MLLT11: variants seen among roughly 807,000 people sequenced by gnomAD.
MLLT11 encodes protein AF1q.
Under a neutral mutation model 5.3 loss-of-function variants are expected in MLLT11, and 1 was observed. The observed-to-expected ratio is 0.19, with a 90% CI of 0.07 to 0.89. The LOEUF is 0.89. Ranked by LOEUF, MLLT11 falls within the 40% of genes least tolerant of loss-of-function variation. The pLI is 0.67. For missense variants in MLLT11, 87 were observed against 107.3 expected (o/e 0.81, Z 0.83); for synonymous variants, 38 against 41.7 (o/e 0.91, Z 0.34).
Position 151,067,458 on chromosome 1 carries a change from C to G in MLLT11, c.234C>G (p.Pro78=). ...EYSTFNFWRA[P]IASIHSFELD... is the part of the protein sequence containing the mutation. ...GCACCTTCAACTTCTGGAGAGCTCCCATTGCCAGCATCCACTCCTTCGAAC... is the reference window on the plus strand; with the variant it reads ...GCACCTTCAACTTCTGGAGAGCTCCGATTGCCAGCATCCACTCCTTCGAAC... Residue 78 remains proline, a synonymous_variant, in exon 2 of 2, where the codon CCC becomes CCG. Coordinates refer to ENST00000368921, the MANE Select transcript of MLLT11 (RefSeq NM_006818.4). 10 of 1,614,118 alleles carry G rather than the reference C, an allele frequency of 6.2e-6. No individual in the cohort carries two copies. The highest frequency in any genetic ancestry group is 8.5e-6 in the Non-Finnish European group (10 of 1,180,024).
chr1:151,067,601 G>A lies in MLLT11; in HGVS notation c.*104G>A. The A allele has an allele frequency of 7.8e-7, 1 of 1,276,870 alleles. No homozygotes were observed. Among genetic ancestry groups the A allele is most frequent in the Non-Finnish European group, 1.1e-6 (1 of 909,442 alleles). The allele number at this position is 1,276,870 out of a possible 1,614,324, so 79.1% of individuals were successfully genotyped here. ...TTTAATCTTGTTCTCTCCCTACTGTGTTGGTGGTGCTGATGAATCTGCCAG... is the reference window on the plus strand; with the variant it reads ...TTTAATCTTGTTCTCTCCCTACTGTATTGGTGGTGCTGATGAATCTGCCAG... On this transcript the variant is annotated 3_prime_UTR_variant, in exon 2 of 2. Coordinates refer to ENST00000368921, the MANE Select transcript of MLLT11 (RefSeq NM_006818.4).
intron 1 of MLLT11, among the ~76,000 whole-genome samples, chr1:151,063,474 G>A (rs746399214): frequency 1.2e-4 from 19 of 152,080 alleles, no homozygotes; most frequent in Non-Finnish European, 2.6e-4. Context: ...CGCCCAGGCT[G>A]GAGTGCAGTG....
At position 151,067,822 on chromosome 1, in the gene MLLT11, T is replaced by G; in HGVS notation, c.*325T>G. On this transcript the variant is annotated 3_prime_UTR_variant, in exon 2 of 2. Transcript: ENST00000368921. Reference sequence around the variant, plus strand: ...AGTATAGTAGTGCAAAATGGAAGACTGATTTTTGACTCTATTATAATCAGC... The same window carrying G: ...AGTATAGTAGTGCAAAATGGAAGACGGATTTTTGACTCTATTATAATCAGC... 1 of 328,700 alleles carries G rather than the reference T, an allele frequency of 3.0e-6. No individual in the cohort carries two copies. Among genetic ancestry groups the G allele is most frequent in the Non-Finnish European group, 5.9e-6 (1 of 168,916 alleles). The allele number at this position is 328,700 out of a possible 1,614,324, so 20.4% of individuals were successfully genotyped here.
At chr1:151,065,060 AG>A (rs1259905206) in intron 1 of MLLT11, among the ~76,000 whole-genome samples, 475 of 152,312 alleles carry the variant, frequency 3.1e-3, no homozygotes, top group African/African-American at 0.011. Flanking sequence ...TAGCCAAAAA[AG>A]GGGTCTTTTG....
At position 151,067,465 on chromosome 1, in the gene MLLT11, AGCAT is replaced by A; in HGVS notation, c.242_245del (p.Ser81ThrfsTer77). Reference sequence around the variant, plus strand: ...CAACTTCTGGAGAGCTCCCATTGCCAGCATCCACTCCTTCGAACTGGACTTGCTC... The same window carrying A: ...CAACTTCTGGAGAGCTCCCATTGCCACCACTCCTTCGAACTGGACTTGCTC... On this transcript the variant is annotated frameshift_variant, in exon 2 of 2. Coordinates refer to ENST00000368921, the MANE Select transcript of MLLT11 (RefSeq NM_006818.4). LOFTEE classifies it high-confidence loss of function. 1 of 1,614,068 alleles carries A rather than the reference AGCAT, an allele frequency of 6.2e-7. No individual in the cohort carries two copies. Among genetic ancestry groups the A allele is most frequent in the Non-Finnish European group, 8.5e-7 (1 of 1,180,026 alleles).
In MLLT11 at chr1:151,067,314, G is replaced by T; in HGVS notation, c.90G>T (p.Leu30=). 1 of 1,614,102 alleles carries T rather than the reference G, an allele frequency of 6.2e-7. No individual in the cohort carries two copies. The change falls in exon 2 of 2, where the codon CTG becomes CTT. Residue 30 remains leucine, a synonymous_variant. Transcript: ENST00000368921. ...TGGATCTGTCGGAGCTGGAAGGCCTGGGTCTGTCAGATACAGCCACCTACA... is the reference window on the plus strand; with the variant it reads ...TGGATCTGTCGGAGCTGGAAGGCCTTGGTCTGTCAGATACAGCCACCTACA... ...PELDLSELEG[L]GLSDTATYKV...
In MLLT11 at chr1:151,069,105, A is replaced by G. The variant is rs907071720; in HGVS notation, c.*1608A>G. Reference sequence around the variant, plus strand: ...ATAATTCTCCTAGGTGCCTAAGAAGATAAACGAATTCACTCAAATATGTTA... The same window carrying G: ...ATAATTCTCCTAGGTGCCTAAGAAGGTAAACGAATTCACTCAAATATGTTA... On this transcript the variant is annotated 3_prime_UTR_variant, in exon 2 of 2. Transcript: ENST00000368921. 2.6e-5 allele frequency among the ~76,000 whole-genome samples: 4 copies of G among 152,174 alleles called. No homozygotes were observed. Among genetic ancestry groups the G allele is most frequent in the African/African-American group, 9.7e-5 (4 of 41,444 alleles).
chr1:151,064,927 G>T (rs1039680615), intron 1 of MLLT11, among the ~76,000 whole-genome samples: 1 of 152,112 alleles, frequency 6.6e-6, no homozygotes, highest in Non-Finnish European at 1.5e-5. Flanking sequence ...AGCATTTATT[G>T]AATATATATT....
At chr1:151,061,893 G>C (rs1350839925) in intron 1 of MLLT11, among the ~76,000 whole-genome samples, 1 of 152,266 alleles carries the variant, frequency 6.6e-6, no homozygotes, top group South Asian at 2.1e-4. Flanking sequence ...CTGGGTCAAT[G>C]ACATAGAGAT....
At position 151,068,181 on chromosome 1, in the gene MLLT11, C is replaced by A; in HGVS notation, c.*684C>A. 4.2e-6 allele frequency: 1 copy of A among 239,864 alleles called. No homozygotes were observed. Among genetic ancestry groups the A allele is most frequent in the Non-Finnish European group, 8.8e-6 (1 of 113,026 alleles). 14.9% of individuals were successfully genotyped at this position (239,864 alleles called of 1,614,324 possible). On this transcript the variant is annotated 3_prime_UTR_variant, in exon 2 of 2. Transcript: ENST00000368921. ...CCCTTCTTCACACCTACTCACTTTA[C>A]AACTTTGCTCCTAACTGTGGGTTGA... is the stretch of plus-strand genomic sequence containing the variant.
intron 1 of MLLT11, among the ~76,000 whole-genome samples, chr1:151,064,058 G>A (rs778179250): frequency 6.6e-6 from 1 of 151,384 alleles, no homozygotes; most frequent in African/African-American, 2.4e-5. Flanking sequence ...TTTCGCTCTT[G>A]TTGCCCAGGC....
At chr1:151,062,814 C>A (rs1476636883) in intron 1 of MLLT11, among the ~76,000 whole-genome samples, 1 of 152,192 alleles carries the variant, frequency 6.6e-6, no homozygotes, top group Non-Finnish European at 1.5e-5. Flanking sequence ...AAGTCCATAA[C>A]AGTATTGACT....
rs749802366 is a variant in MLLT11 at position 151,069,068 on chromosome 1, A to G, written c.*1571A>G. 2.0e-5 allele frequency among the ~76,000 whole-genome samples: 3 copies of G among 152,134 alleles called. No homozygotes were observed. The highest frequency in any genetic ancestry group is 4.4e-5 in the Non-Finnish European group (3 of 68,030). ...TGCTTGCCCACTGACTACCAACATTATATTTCAGGTAATAATTCTCCTAGG... is the reference window on the plus strand; with the variant it reads ...TGCTTGCCCACTGACTACCAACATTGTATTTCAGGTAATAATTCTCCTAGG... On this transcript the variant is annotated 3_prime_UTR_variant, in exon 2 of 2. Coordinates refer to ENST00000368921, the MANE Select transcript of MLLT11 (RefSeq NM_006818.4).
rs1230652925 is a variant in MLLT11 at position 151,068,679 on chromosome 1, G to C, written c.*1182G>C. 1.3e-5 allele frequency among the ~76,000 whole-genome samples: 2 copies of C among 152,164 alleles called. No individual in the cohort carries two copies. Among genetic ancestry groups the C allele is most frequent in the African/African-American group, 4.8e-5 (2 of 41,430 alleles). The stretch of plus-strand genomic sequence containing the variant: ...CGCTCACTGCAACCTCCACCCACCA[G>C]GGTCAAGGGATCCTCCCACCTCAGG... On this transcript the variant is annotated 3_prime_UTR_variant, in exon 2 of 2. Transcript: ENST00000368921.
At chr1:151,060,917 C>A (rs1172729880) in intron 1 of MLLT11, among the ~76,000 whole-genome samples, 3 of 152,104 alleles carry the variant, frequency 2.0e-5, no homozygotes, top group African/African-American at 7.2e-5. Context: ...CTCTACTTCC[C>A]TATACTTGCA....
rs1006889254 is a variant in MLLT11, at chr1:151,068,816, C to T, written c.*1319C>T. On this transcript the variant is annotated 3_prime_UTR_variant, in exon 2 of 2. Transcript: ENST00000368921. ...GCCAGGCTGGTCTCTAACTCCTGAC[C>T]TCAGGTGATCTGCCCGCCTTAGCCT... 6.6e-6 allele frequency among the ~76,000 whole-genome samples: 1 copy of T among 152,182 alleles called. No homozygotes were observed. Among genetic ancestry groups the T allele is most frequent in the Admixed American group, 6.5e-5 (1 of 15,272 alleles).
At chr1:151,063,357 G>A (rs1676431349) in intron 1 of MLLT11, among the ~76,000 whole-genome samples, 1 of 152,058 alleles carries the variant, frequency 6.6e-6, no homozygotes, top group African/African-American at 2.4e-5. Context: ...GTTTTTGGAG[G>A]TGATAGAATG....
At chr1:151,065,229 T>C (rs1216996170) in intron 1 of MLLT11, among the ~76,000 whole-genome samples, 2 of 152,214 alleles carry the variant, frequency 1.3e-5, no homozygotes, top group Non-Finnish European at 2.9e-5. Flanking sequence ...TGCATGCATG[T>C]GTTTCTTGAA....
Position 151,067,620 on chromosome 1 carries a change from C to A in MLLT11, c.*123C>A. On this transcript the variant is annotated 3_prime_UTR_variant, in exon 2 of 2. Transcript: ENST00000368921. Reference sequence around the variant, plus strand: ...TACTGTGTTGGTGGTGCTGATGAATCTGCCAGAGTTGAGTTCTATGTATTT... The same window carrying A: ...TACTGTGTTGGTGGTGCTGATGAATATGCCAGAGTTGAGTTCTATGTATTT... The A allele has an allele frequency of 9.1e-7, 1 of 1,104,188 alleles. No individual in the cohort carries two copies. The highest frequency in any genetic ancestry group is 1.5e-5 in the South Asian group (1 of 66,260). The allele number at this position is 1,104,188 out of a possible 1,614,324, so 68.4% of individuals were successfully genotyped here.
Sources: allele counts gnomAD v4.1 joint callset (sites outside exome capture counted in the v4.1 genomes callset), GRCh38; gene constraint gnomAD v4.1.1; transcripts MANE v1.5; gene names NCBI Gene and HGNC (gene_info 2026-07-23, HGNC 2026-07-21).